PHLPP1: variants seen among roughly 807,000 people sequenced by gnomAD.
The protein encoded by PHLPP1 is PH domain leucine-rich repeat-containing protein phosphatase 1.
In PHLPP1, 42 loss-of-function variants were observed where a neutral mutation model predicts 117.2. That is an observed-to-expected ratio of 0.36 (90% confidence interval 0.28 to 0.46). The LOEUF is 0.46. Ranked by LOEUF, PHLPP1 falls within the 20% of genes least tolerant of loss-of-function variation. PHLPP1 has a pLI of 1.00. For missense variants in PHLPP1, 2,084 were observed against 2,241.9 expected (o/e 0.93, Z 1.42); for synonymous variants, 1,042 against 970.7 (o/e 1.07, Z -1.37).
At chr18:62,917,141 GGCT>G (rs1240428904) in intron 9 of PHLPP1, among the ~76,000 whole-genome samples, 2 of 149,140 alleles carry the variant, frequency 1.3e-5, no homozygotes, top group Non-Finnish European at 3.0e-5. Flanking sequence ...TTTTGCTGAA[GGCT>G]ACAAAGATAT....
Position 62,716,171 on chromosome 18 carries a change from C to T in PHLPP1, c.488C>T (p.Ala163Val), listed in dbSNP as rs1335748679. The T allele has an allele frequency of 3.2e-5, 49 of 1,519,682 alleles. No homozygotes were observed. The highest frequency in any genetic ancestry group is 4.2e-5 in the African/African-American group (3 of 70,772). 94.1% of individuals were successfully genotyped at this position (1,519,682 alleles called of 1,614,324 possible). ...GAAGLPASCSASASLCTRSLD... is the reference protein window; with the variant it reads ...GAAGLPASCSVSASLCTRSLD... ...GCCGGCCTCCCCGCCTCCTGCTCGG[C>T]CTCGGCGTCGCTGTGCACCCGGAGC... Residue 163 changes from alanine (A) to valine (V), a missense_variant, in exon 1 of 17, where the codon GCC becomes GTC. Ala to Val is a moderately conservative substitution (Grantham distance 64, BLOSUM62 0). This residue lies in a region of PHLPP1 where 719 missense variants were observed against 636.0 expected (regional missense o/e 1.13). Transcript: ENST00000262719. This position sits in a 1 kb window ranked among gnomAD's most constrained non-coding sequence, Gnocchi z 5.7.
At chr18:62,898,035 T>TCTCCTCTTTCTC (rs1568154482) in intron 6 of PHLPP1, among the ~76,000 whole-genome samples, 1 of 152,166 alleles carries the variant, frequency 6.6e-6, no homozygotes, top group Non-Finnish European at 1.5e-5. Flanking sequence ...TTCTCCTCTT[T>TCTCCTCTTTCTC]GTACAAAGTG....
chr18:62,795,297 G>C (rs934982671), intron 1 of PHLPP1, among the ~76,000 whole-genome samples: 1 of 151,912 alleles, frequency 6.6e-6, no homozygotes, highest in Non-Finnish European at 1.5e-5. Context: ...TGGCAACACG[G>C]TGAAACCTCA....
At chr18:62,939,628 C>A (rs769029378) in intron 10 of PHLPP1, among the ~76,000 whole-genome samples, 29 of 137,858 alleles carry the variant, frequency 2.1e-4, no homozygotes, top group Admixed American at 3.1e-4. Context: ...GATAGCCGTT[C>A]TCTAACTTCC....
chr18:62,815,162 TC>T (rs1914232871), intron 1 of PHLPP1, among the ~76,000 whole-genome samples: 1 of 147,092 alleles, frequency 6.8e-6, no homozygotes, highest in Non-Finnish European at 1.5e-5. Flanking sequence ...TTTTTTTTCC[TC>T]TTTTTTTTTT....
intron 3 of PHLPP1, among the ~76,000 whole-genome samples, chr18:62,858,024 A>G (rs1319777018): frequency 1.3e-5 from 2 of 152,182 alleles, no homozygotes; most frequent in Non-Finnish European, 2.9e-5. Context: ...GCCCATTAAC[A>G]TTCTATCTCT....
intron 6 of PHLPP1, among the ~76,000 whole-genome samples, chr18:62,899,722 T>G (rs189765946): frequency 2.0e-5 from 3 of 152,222 alleles, no homozygotes; most frequent in Admixed American, 1.3e-4. Flanking sequence ...CAGGCTGGAG[T>G]GCAGCGGTAC....
intron 3 of PHLPP1, among the ~76,000 whole-genome samples, chr18:62,853,308 A>G (rs1915407414): frequency 6.7e-6 from 1 of 150,338 alleles, no homozygotes; most frequent in Non-Finnish European, 1.5e-5. Context: ...GAAAAGTCCC[A>G]TTTAATTTAC....
intron 4 of PHLPP1, among the ~76,000 whole-genome samples, chr18:62,863,135 A>G (rs1915673333): frequency 6.6e-6 from 1 of 151,768 alleles, no homozygotes; most frequent in South Asian, 2.1e-4. Flanking sequence ...AAGCAGCCCT[A>G]AGGGCTGCTG....
chr18:62,920,214 G>A lies in PHLPP1; in HGVS notation c.2960+100G>A, dbSNP rs369274107. 3 of 1,118,444 alleles carry A rather than the reference G, an allele frequency of 2.7e-6. No homozygotes were observed. The Admixed American group carries it at 7.2e-5, about 27-fold the overall frequency. 69.3% of individuals were successfully genotyped at this position (1,118,444 alleles called of 1,614,324 possible). On this transcript the variant is annotated intron_variant, in intron 10 of 16. Coordinates refer to ENST00000262719, the MANE Select transcript of PHLPP1 (RefSeq NM_194449.4). ...GAGACTGTATAAACTTTCTGAGTAT[G>A]TATCTGTCCCAGATTTGTGAAGGAA...
chr18:62,953,214 G>C (rs993692324), intron 12 of PHLPP1, among the ~76,000 whole-genome samples: 12 of 152,188 alleles, frequency 7.9e-5, no homozygotes, highest in Non-Finnish European at 1.5e-4. Flanking sequence ...AGGCAGTGTA[G>C]ACTACTTCTG....
chr18:62,763,785 G>C (rs989275361), intron 1 of PHLPP1, among the ~76,000 whole-genome samples: 3 of 152,084 alleles, frequency 2.0e-5, no homozygotes, highest in Non-Finnish European at 4.4e-5. Flanking sequence ...TTTCCCAGTA[G>C]CACCAGAGAT....
chr18:62,726,303 G>A (rs767795485), intron 1 of PHLPP1, among the ~76,000 whole-genome samples: 1 of 149,526 alleles, frequency 6.7e-6, no homozygotes, highest in Non-Finnish European at 1.5e-5. Context: ...ATTGTGACTT[G>A]TTCATATCCC....
At chr18:62,866,288 C>T (rs1370095601) in intron 4 of PHLPP1, among the ~76,000 whole-genome samples, 1 of 151,610 alleles carries the variant, frequency 6.6e-6, no homozygotes, top group Non-Finnish European at 1.5e-5. Context: ...CTCTGTTGCC[C>T]AGCGGGAGTG....
chr18:62,926,527 T>A (rs189067269), intron 10 of PHLPP1, among the ~76,000 whole-genome samples: 1 of 152,166 alleles, frequency 6.6e-6, no homozygotes, highest in East Asian at 1.9e-4. Flanking sequence ...GATGGGCGAG[T>A]CCACCCTGCC....
chr18:62,898,911 G>A (rs2144402788), intron 6 of PHLPP1, among the ~76,000 whole-genome samples: 1 of 151,836 alleles, frequency 6.6e-6, no homozygotes, highest in East Asian at 1.9e-4. Flanking sequence ...CAATTTTCCT[G>A]CCTCAGCCTC....
chr18:62,799,648 C>G (rs1457536354), intron 1 of PHLPP1, among the ~76,000 whole-genome samples: 1 of 152,158 alleles, frequency 6.6e-6, no homozygotes, highest in African/African-American at 2.4e-5. Context: ...TCAGGCATCT[C>G]TCTCCATTCA....
intron 1 of PHLPP1, among the ~76,000 whole-genome samples, chr18:62,718,252 A>G (rs371917448): frequency 6.6e-6 from 1 of 152,272 alleles, no homozygotes; most frequent in African/African-American, 2.4e-5. Context: ...TAAAGTTCTC[A>G]TAGCAAAATT....
At chr18:62,861,624 T>C (rs1284881866) in intron 4 of PHLPP1, among the ~76,000 whole-genome samples, 1 of 152,282 alleles carries the variant, frequency 6.6e-6, no homozygotes, top group East Asian at 1.9e-4. Context: ...CTAGTTCATT[T>C]GTTTTTACAT....
Sources: allele counts gnomAD v4.1 joint callset (sites outside exome capture counted in the v4.1 genomes callset), GRCh38; gene constraint gnomAD v4.1.1; regional missense constraint gnomAD v4.1.1; non-coding constraint Gnocchi (gnomAD v3.1); transcripts MANE v1.5; gene names NCBI Gene and HGNC (gene_info 2026-07-23, HGNC 2026-07-21).